MICALL1: variants seen among roughly 807,000 people sequenced by gnomAD.
The protein encoded by MICALL1 is MICAL-like protein 1.
In MICALL1, 61 loss-of-function variants were observed where a neutral mutation model predicts 83.7. That is an observed-to-expected ratio of 0.73 (90% CI 0.59 to 0.90). The LOEUF is 0.90. Among genes scored for constraint, MICALL1 ranks in the 40% least tolerant of loss-of-function variants. MICALL1 has a pLI of 0.00. For missense variants in MICALL1, 1,066 were observed against 1,152.0 expected, an observed-to-expected ratio of 0.93 and a Z score of 1.08; for synonymous variants, 481 against 473.6, an observed-to-expected ratio of 1.02 and a Z score of -0.20.
At position 37,932,679 on chromosome 22, in the gene MICALL1, G is replaced by T; in HGVS notation, c.2143G>T (p.Glu715Ter). 6.2e-7 allele frequency: 1 copy of T among 1,613,722 alleles called. No individual in the cohort carries two copies. Among genetic ancestry groups the T allele is most frequent in the South Asian group, 1.1e-5 (1 of 91,064 alleles). Residue 715 changes from glutamate (E) to a stop codon, truncating the protein, a stop_gained and splice_region_variant, in exon 11 of 16, where the codon GAG becomes TAG. Coordinates refer to ENST00000215957, the MANE Select transcript of MICALL1 (RefSeq NM_033386.4). LOFTEE classifies it high-confidence loss of function. The surrounding 1 kb of genome is among the most constrained non-coding windows in gnomAD (Gnocchi z 4.4). Reference sequence around the variant, plus strand: ...GGAGAAGCTGCGTGGCGGCCTGAATGGTGCGGGAGCGGCTGGGAGGGCCTG... The same window carrying T: ...GGAGAAGCTGCGTGGCGGCCTGAATTGTGCGGGAGCGGCTGGGAGGGCCTG... ...LEEKLRGGLN[E>*]GREDDMLVDW...
In MICALL1 at chr22:37,924,638, C is replaced by T; in HGVS notation, c.1025-22C>T. On this transcript the variant is annotated intron_variant, in intron 6 of 15. Coordinates refer to ENST00000215957, the MANE Select transcript of MICALL1 (RefSeq NM_033386.4). The surrounding 1 kb of genome is among the most constrained non-coding windows in gnomAD (Gnocchi z 5.2). ...CCTCCTGCTGCCCATGAAGGCCTGG[C>T]TCACTCTCCTTTCCCATCTAGGGAG... is the stretch of plus-strand genomic sequence containing the variant. The T allele has an allele frequency of 3.7e-6, 6 of 1,606,310 alleles. No homozygotes were observed. Among genetic ancestry groups the T allele is most frequent in the African/African-American group, 1.3e-5 (1 of 74,764 alleles).
intron 13 of MICALL1, among the ~76,000 whole-genome samples, chr22:37,934,741 C>A (rs866969207): frequency 1.3e-5 from 2 of 150,462 alleles, no homozygotes; most frequent in Non-Finnish European, 3.0e-5. Flanking sequence ...GGACTACAGG[C>A]GCCTGCCACC....
chr22:37,918,387 T>C (rs1383291050), intron 4 of MICALL1, among the ~76,000 whole-genome samples: 2 of 152,206 alleles, frequency 1.3e-5, no homozygotes, highest in African/African-American at 4.8e-5. Context: ...GACGGCACCT[T>C]ACAGTGTGTA....
intron 9 of MICALL1, among the ~76,000 whole-genome samples, chr22:37,928,619 C>G (rs150152188): frequency 7.9e-5 from 12 of 152,330 alleles, no homozygotes; most frequent in South Asian, 2.1e-4. Flanking sequence ...GTCCATGCTT[C>G]CATCCATCTG....
At chr22:37,937,723 T>C (rs1172206110) in intron 14 of MICALL1, 23 bp from the exon 15 acceptor site, 6 of 1,612,208 alleles carry the variant, frequency 3.7e-6, no homozygotes, top group Non-Finnish European at 5.1e-6. Context: ...CACGCCCAGC[T>C]TAACTGCTGC....
At chr22:37,917,593 A>G (rs1003632581) in intron 3 of MICALL1, 114 bp from the exon 4 acceptor site, 11 of 892,376 alleles carry the variant, frequency 1.2e-5, no homozygotes, top group African/African-American at 8.3e-5. Context: ...CCACTGCATT[A>G]GGTGGTCTGC....
rs762771767 is a variant in MICALL1, at chr22:37,925,654, C to T, written c.1083-7C>T. 1 of 1,595,050 alleles carries T rather than the reference C, an allele frequency of 6.3e-7. No homozygotes were observed. Among genetic ancestry groups the T allele is most frequent in the South Asian group, 1.1e-5 (1 of 89,796 alleles). Reference sequence around the variant, plus strand: ...TAATGGTTTCTGCTGCTTCCCCCCTCCTCCAGGACACCAGCCCCCAGGAAG... The same window carrying T: ...TAATGGTTTCTGCTGCTTCCCCCCTTCTCCAGGACACCAGCCCCCAGGAAG... On this transcript the variant is annotated splice_region_variant and splice_polypyrimidine_tract_variant and intron_variant, in intron 7 of 15. Transcript: ENST00000215957.
intron 15 of MICALL1, 148 bp downstream of exon 15, chr22:37,937,940 C>T (rs1930226676): frequency 5.2e-6 from 5 of 964,920 alleles, no homozygotes; most frequent in Admixed American, 2.1e-5. Context: ...GCAGAGAGGG[C>T]TGTGTGTAGC....
At chr22:37,916,838 C>T (rs1928706544) in intron 3 of MICALL1, among the ~76,000 whole-genome samples, 2 of 152,162 alleles carry the variant, frequency 1.3e-5, no homozygotes, top group South Asian at 4.1e-4. Context: ...GCTGGAGCCA[C>T]TCCTGGCACC....
chr22:37,912,418 T>G lies in MICALL1; in HGVS notation c.263T>G (p.Met88Arg), dbSNP rs753904880. 6.2e-7 allele frequency: 1 copy of G among 1,614,088 alleles called. No individual in the cohort carries two copies. Among genetic ancestry groups the G allele is most frequent in the South Asian group, 1.1e-5 (1 of 91,080 alleles). ...ALLDPNDMVS[M>R]SVPDCLSIMT... ...CTGGACCCCAATGACATGGTCTCCA[T>G]GAGCGTCCCTGACTGCCTCAGCATC... Residue 88 changes from methionine to arginine, a missense_variant, in exon 3 of 16, where the codon ATG becomes AGG. Met to Arg is a moderately conservative substitution (Grantham distance 91). Transcript: ENST00000215957.
intron 3 of MICALL1, 101 bp from the exon 4 acceptor site, chr22:37,917,606 T>G: frequency 9.5e-7 from 1 of 1,054,288 alleles, no homozygotes; most frequent in Non-Finnish European, 1.5e-6. Flanking sequence ...TGGTCTGCCT[T>G]TAGGTGATGG....
At chr22:37,937,667 A>G in intron 14 of MICALL1, 79 bp from the exon 15 acceptor site, 2 of 1,465,210 alleles carry the variant, frequency 1.4e-6, no homozygotes, top group Admixed American at 3.5e-5. Context: ...CAGGTGATCC[A>G]CCCACCTTGG....
chr22:37,918,634 C>T (rs1322547547), intron 4 of MICALL1, among the ~76,000 whole-genome samples: 4 of 152,316 alleles, frequency 2.6e-5, no homozygotes, highest in East Asian at 1.9e-4. Context: ...CAGCTGAGGT[C>T]GGCCTGGGAG....
intron 5 of MICALL1, among the ~76,000 whole-genome samples, chr22:37,920,778 C>G (rs537704298): frequency 6.6e-6 from 1 of 152,116 alleles, no homozygotes; most frequent in East Asian, 1.9e-4. Flanking sequence ...AAAAAATTAG[C>G]CGGGCATGGT....
At chr22:37,921,661 A>G (rs780159685) in intron 5 of MICALL1, among the ~76,000 whole-genome samples, 5 of 152,204 alleles carry the variant, frequency 3.3e-5, no homozygotes, top group Non-Finnish European at 5.9e-5. Flanking sequence ...CTGAGCCACT[A>G]CTGGATGCAG....
chr22:37,927,349 GGT>G, intron 8 of MICALL1, 60 bp from the exon 9 acceptor site: 3 of 1,465,092 alleles, frequency 2.0e-6, no homozygotes, highest in Non-Finnish European at 2.7e-6. Flanking sequence ...GGAGCCGGGA[GGT>G]GGGGCTGGAA....
At chr22:37,940,399 G>C (rs1930371281) in intron 15 of MICALL1, among the ~76,000 whole-genome samples, 1 of 152,156 alleles carries the variant, frequency 6.6e-6, no homozygotes, top group Admixed American at 6.5e-5. Flanking sequence ...CTCCAGCCTG[G>C]GCGACAAAGC....
At position 37,917,711 on chromosome 22, in the gene MICALL1, T is replaced by A; in HGVS notation, c.342T>A (p.Gly114=). ...YNHFCSPGQA[G]VSPPRKGLAP... ...CCCTTTCTCATCTCTTGGCAGCTGG[T>A]GTCTCGCCACCCAGAAAGGGCCTTG... Residue 114 remains glycine, a synonymous_variant, in exon 4 of 16, where the codon GGT becomes GGA. Transcript: ENST00000215957. 6.2e-7 allele frequency: 1 copy of A among 1,613,608 alleles called. No individual in the cohort carries two copies. The highest frequency in any genetic ancestry group is 2.2e-5 in the East Asian group (1 of 44,860).
chr22:37,920,782 G>T (rs1056386253), intron 5 of MICALL1, among the ~76,000 whole-genome samples: 1 of 152,088 alleles, frequency 6.6e-6, no homozygotes, highest in African/African-American at 2.4e-5. Context: ...AATTAGCCGG[G>T]CATGGTGGTG....
Sources: allele counts gnomAD v4.1 joint callset (sites outside exome capture counted in the v4.1 genomes callset), GRCh38; gene constraint gnomAD v4.1.1; non-coding constraint Gnocchi (gnomAD v3.1); transcripts MANE v1.5; gene names NCBI Gene and HGNC (gene_info 2026-07-23, HGNC 2026-07-21).